DYNC2H1: variants seen among roughly 807,000 people sequenced by gnomAD.
DYNC2H1 encodes dynein cytoplasmic 2 heavy chain 1.
In DYNC2H1, 410 loss-of-function variants were observed where a neutral mutation model predicts 570.0. The observed-to-expected ratio is 0.72, with a 90% CI of 0.66 to 0.78. DYNC2H1 has a LOEUF of 0.78. Among genes scored for constraint, DYNC2H1 ranks in the 30% least tolerant of loss-of-function variants. DYNC2H1 has a pLI of 0.00. For synonymous variants in DYNC2H1, 1,688 were observed against 1,677.6 expected (o/e 1.01, Z -0.15); for missense variants, 4,865 against 5,046.4 (o/e 0.96, Z 1.09).
chr11:103,256,199 T>A lies in DYNC2H1; in HGVS notation c.10420T>A (p.Ser3474Thr), dbSNP rs1385131133. 1.9e-6 allele frequency: 3 copies of A among 1,606,380 alleles called. No individual in the cohort carries two copies. The highest frequency in any genetic ancestry group is 2.5e-6 in the Non-Finnish European group (3 of 1,176,938). The change falls in exon 68 of 89, where the codon TCA becomes ACA. Residue 3474 changes from serine (S) to threonine (T), a missense_variant. Physicochemically the swap from Ser to Thr is moderately conservative, Grantham distance 58. This residue lies in a region of DYNC2H1 where 2,401 missense variants were observed against 2,454.6 expected (regional missense o/e 0.98). Coordinates refer to ENST00000375735, the MANE Select transcript of DYNC2H1 (RefSeq NM_001377.3). The surrounding 1 kb of genome is among the most constrained non-coding windows in gnomAD (Gnocchi z 4.0). Reference protein sequence around the residue: ...TKASSALIQESLKESYKLQIS... With the variant: ...TKASSALIQETLKESYKLQIS... The stretch of plus-strand genomic sequence containing the variant: ...AGCAAGCAGTGCACTTATTCAAGAG[T>A]CACTTAAAGAATCTTACAAACTCCA...
At chr11:103,113,896 G>T (rs1041311789) in intron 2 of DYNC2H1, among the ~76,000 whole-genome samples, 189 bp downstream of exon 2, 13 of 152,042 alleles carry the variant, frequency 8.6e-5, no homozygotes, top group African/African-American at 2.7e-4. Context: ...TTGGAGAAAG[G>T]TATAAAATGC....
intron 75 of DYNC2H1, among the ~76,000 whole-genome samples, chr11:103,302,680 A>G (rs1417439447): frequency 6.6e-6 from 1 of 152,128 alleles, no homozygotes; most frequent in Non-Finnish European, 1.5e-5. Context: ...TAGGCACTCA[A>G]CTATCATATC....
chr11:103,311,405 C>T (rs990841379), intron 78 of DYNC2H1, among the ~76,000 whole-genome samples: 5 of 152,020 alleles, frequency 3.3e-5, no homozygotes, highest in Non-Finnish European at 2.9e-5. Context: ...TTAGGTAATA[C>T]TTTAAATCTG....
chr11:103,308,778 T>G (rs1041040792), intron 78 of DYNC2H1, among the ~76,000 whole-genome samples: 2 of 152,232 alleles, frequency 1.3e-5, no homozygotes, highest in Non-Finnish European at 2.9e-5. Context: ...TTTGGACATT[T>G]ATATATCTTA....
At chr11:103,158,831 T>A (rs925127596) in intron 27 of DYNC2H1, 22 bp downstream of exon 27, 4 of 1,454,094 alleles carry the variant, frequency 2.8e-6, no homozygotes, top group Admixed American at 2.5e-5. Context: ...AAGAAAAAAA[T>A]ATATAATAAA....
At chr11:103,301,993 AT>A (rs1867067316) in intron 75 of DYNC2H1, among the ~76,000 whole-genome samples, 1 of 152,002 alleles carries the variant, frequency 6.6e-6, no homozygotes, top group Non-Finnish European at 1.5e-5. Flanking sequence ...AAACAAGTAT[AT>A]TTTAAATTAT....
chr11:103,290,255 T>C (rs149680560), intron 75 of DYNC2H1, among the ~76,000 whole-genome samples: 50 of 152,246 alleles, frequency 3.3e-4, no homozygotes, highest in African/African-American at 1.1e-3. Context: ...ATAATGCCTA[T>C]CTTCTGCCTC....
Position 103,185,201 on chromosome 11 carries a change from G to T in DYNC2H1, c.6633+150G>T, listed in dbSNP as rs768250007. 21 of 555,234 alleles carry T rather than the reference G, an allele frequency of 3.8e-5. No homozygotes were observed. The highest frequency in any genetic ancestry group is 6.1e-5 in the Non-Finnish European group (21 of 343,278). 34.4% of individuals were successfully genotyped at this position (555,234 alleles called of 1,614,324 possible). A position where few individuals can be genotyped will look rare whatever the true frequency, so the allele number is the denominator to read the frequency against. ...ATTGAGTAATAATGTATTTATGTATGTGTATTTATATTTTCTCCTTTGAGT... is the reference window on the plus strand; with the variant it reads ...ATTGAGTAATAATGTATTTATGTATTTGTATTTATATTTTCTCCTTTGAGT... On this transcript the variant is annotated intron_variant, in intron 41 of 88. Coordinates refer to ENST00000375735, the MANE Select transcript of DYNC2H1 (RefSeq NM_001377.3). The surrounding 1 kb of genome is among the most constrained non-coding windows in gnomAD (Gnocchi z 4.5).
intron 87 of DYNC2H1, among the ~76,000 whole-genome samples, chr11:103,468,165 A>G (rs914203050): frequency 2.0e-5 from 3 of 151,900 alleles, no homozygotes; most frequent in East Asian, 3.9e-4. Flanking sequence ...CGTTTTTTTC[A>G]TTACACTTTC....
rs1025059351 is a variant in DYNC2H1 at position 103,326,016 on chromosome 11, C to T, written c.12039+2026C>T. Reference sequence around the variant, plus strand: ...GCACTCAGTTGGGTTTGGTTTGGGGCGCTTTCAGAGGGCCAAGGCTCTGTA... The same window carrying T: ...GCACTCAGTTGGGTTTGGTTTGGGGTGCTTTCAGAGGGCCAAGGCTCTGTA... On this transcript the variant is annotated intron_variant, in intron 82 of 88. Coordinates refer to ENST00000375735, the MANE Select transcript of DYNC2H1 (RefSeq NM_001377.3). The surrounding 1 kb of genome is among the most constrained non-coding windows in gnomAD (Gnocchi z 6.1). Among the ~76,000 whole-genome samples, 2 of 152,020 alleles carry T rather than the reference C, an allele frequency of 1.3e-5. No individual in the cohort carries two copies. The highest frequency in any genetic ancestry group is 4.8e-5 in the African/African-American group (2 of 41,370).
intron 60 of DYNC2H1, among the ~76,000 whole-genome samples, chr11:103,232,336 C>G (rs1032310057): frequency 6.6e-6 from 1 of 151,562 alleles, no homozygotes; most frequent in African/African-American, 2.4e-5. Context: ...TCTTTTTTGT[C>G]TGAAGTTGAG....
At chr11:103,301,017 C>T (rs1053636264) in intron 75 of DYNC2H1, among the ~76,000 whole-genome samples, 3 of 151,672 alleles carry the variant, frequency 2.0e-5, no homozygotes, top group Non-Finnish European at 4.4e-5. Flanking sequence ...ATGAGAAACA[C>T]CTGGTATTCC....
intron 63 of DYNC2H1, among the ~76,000 whole-genome samples, chr11:103,242,197 A>G (rs1159580882): frequency 6.6e-6 from 1 of 152,180 alleles, no homozygotes; most frequent in Non-Finnish European, 1.5e-5. Flanking sequence ...ACTATGATAT[A>G]CATACATGCA....
rs1860890613 is a variant in DYNC2H1 at position 103,157,492 on chromosome 11, A to G, written c.4127+722A>G. Among the ~76,000 whole-genome samples, 1 of 152,262 alleles carries G rather than the reference A, an allele frequency of 6.6e-6. No individual in the cohort carries two copies. The highest frequency in any genetic ancestry group is 2.4e-5 in the African/African-American group (1 of 41,482). ...TAAATGGCCCAACCTAATTGCTGAA[A>G]GCAGAGACATGATGGATAACTTTGA... On this transcript the variant is annotated intron_variant, in intron 26 of 88. Transcript: ENST00000375735. The surrounding 1 kb of genome is among the most constrained non-coding windows in gnomAD (Gnocchi z 4.2).
intron 82 of DYNC2H1, among the ~76,000 whole-genome samples, chr11:103,350,817 T>G (rs1940014966): frequency 6.6e-6 from 1 of 152,088 alleles, no homozygotes; most frequent in South Asian, 2.1e-4. Flanking sequence ...GGGACTCAAA[T>G]CCTATCAGAT....
rs58016632 is a variant in DYNC2H1, at chr11:103,243,256, T to TATAGATAGATAG, written c.9820-397_9820-386dup. Among the ~76,000 whole-genome samples the TATAGATAGATAG allele has an allele frequency of 2.0e-5, 3 of 146,494 alleles. No individual in the cohort carries two copies. Among genetic ancestry groups the TATAGATAGATAG allele is most frequent in the African/African-American group, 7.7e-5 (3 of 39,034 alleles). On this transcript the variant is annotated intron_variant, in intron 63 of 88. Coordinates refer to ENST00000375735, the MANE Select transcript of DYNC2H1 (RefSeq NM_001377.3). The surrounding 1 kb of genome is among the most constrained non-coding windows in gnomAD (Gnocchi z 4.8). ...TTATAGTTTTTATTCAAACAAAGAA[T>TATAGATAGATAG]ATAGATAGATAGATAGATAGATAGA...
chr11:103,415,403 A>T (rs1293682488), intron 84 of DYNC2H1, among the ~76,000 whole-genome samples: 1 of 152,158 alleles, frequency 6.6e-6, no homozygotes, highest in Non-Finnish European at 1.5e-5. Context: ...ATGGGAGAAA[A>T]TTTTTGCAAT....
intron 83 of DYNC2H1, among the ~76,000 whole-genome samples, chr11:103,381,922 TC>T (rs1169237008): frequency 1.3e-5 from 2 of 152,256 alleles, no homozygotes; most frequent in African/African-American, 4.8e-5. Flanking sequence ...CATTTTAACA[TC>T]TTATTTTTGT....
Position 103,181,579 on chromosome 11 carries a change from A to T in DYNC2H1, c.6348-178A>T, listed in dbSNP as rs1263657219. ...GTATATATTATGTGTATGTATACAC[A>T]CACACAGATGTAATTGTATTATTCA... On this transcript the variant is annotated intron_variant, in intron 39 of 88. Coordinates refer to ENST00000375735, the MANE Select transcript of DYNC2H1 (RefSeq NM_001377.3). This position sits in a 1 kb window ranked among gnomAD's most constrained non-coding sequence, Gnocchi z 5.0. 6.6e-6 allele frequency among the ~76,000 whole-genome samples: 1 copy of T among 151,752 alleles called. No homozygotes were observed. The highest frequency in any genetic ancestry group is 6.6e-5 in the Admixed American group (1 of 15,170).
Sources: gnomAD v4.1 joint callset for allele counts (sites outside exome capture counted in the v4.1 genomes callset) on GRCh38, gnomAD v4.1.1 for gene constraint, gnomAD v4.1.1 regional missense constraint, Gnocchi (gnomAD v3.1) non-coding constraint, MANE v1.5 for transcripts, NCBI Gene and HGNC (gene_info 2026-07-23, HGNC 2026-07-21) for gene names.